The following DMD variants were observed in gnomAD, a reference collection of about 807,000 sequenced individuals.
The protein encoded by DMD is mutant dystrophin.
A neutral mutation model predicts 330.1 loss-of-function variants in DMD; 63 were observed. The observed-to-expected ratio is 0.19, with a 90% CI of 0.16 to 0.24. The LOEUF (loss-of-function observed/expected upper bound fraction) is 0.24. DMD is among the 10% of genes least tolerant of loss of function. The pLI is 1.00. For synonymous variants in DMD, 1,223 were observed against 959.8 expected, an observed-to-expected ratio of 1.27 and a Z score of -5.07; for missense variants, 3,344 against 2,684.1, an observed-to-expected ratio of 1.25 and a Z score of -5.43.
At position 32,486,745 on chromosome X, in the gene DMD, T is replaced by C. The variant is rs755153135; in HGVS notation, c.2623-1646A>G. 6.6e-3 allele frequency among the ~76,000 whole-genome samples: 700 copies of C among 106,215 alleles called. 5 individuals are homozygous for C. The highest frequency in any genetic ancestry group is 0.01 in the Non-Finnish European group (527 of 51,228). 92.2% of individuals were successfully genotyped at this position (106,215 alleles called of 115,157 possible). On this transcript the variant is annotated intron_variant, in intron 20 of 78. Coordinates refer to ENST00000357033, the MANE Select transcript of DMD (RefSeq NM_004006.3). ...TGACAAACCTGACAAAAACAAGCAATGGGGAAAGGATTCCCTATTTAATAA... is the reference window on the plus strand; with the variant it reads ...TGACAAACCTGACAAAAACAAGCAACGGGGAAAGGATTCCCTATTTAATAA...
intron 63 of DMD, among the ~76,000 whole-genome samples, chrX:31,252,006 G>T (rs2049414897): frequency 8.9e-6 from 1 of 111,807 alleles, no homozygotes; most frequent in African/African-American, 3.2e-5. Flanking sequence ...ATGCAATTCA[G>T]AAATATCTAT....
intron 1 of DMD, among the ~76,000 whole-genome samples, chrX:33,130,122 G>C (rs1180057616): frequency 8.9e-6 from 1 of 111,854 alleles, no homozygotes; most frequent in Non-Finnish European, 1.9e-5. Context: ...TTACTGACTT[G>C]AGGAGGAAAA....
intron 60 of DMD, among the ~76,000 whole-genome samples, chrX:31,418,593 C>T (rs1024405505): frequency 3.6e-5 from 4 of 112,060 alleles, no homozygotes; most frequent in East Asian, 5.6e-4. Context: ...TGACTCCATG[C>T]GCACCAATAG....
chrX:32,017,195 T>C (rs1326879181), intron 44 of DMD, among the ~76,000 whole-genome samples: 2 of 111,926 alleles, frequency 1.8e-5, no homozygotes. Flanking sequence ...AAACACTCAT[T>C]GTCAACTAGC....
intron 44 of DMD, among the ~76,000 whole-genome samples, chrX:32,090,726 A>C (rs1469752163): frequency 9.0e-6 from 1 of 111,491 alleles, no homozygotes; most frequent in Non-Finnish European, 1.9e-5. Context: ...ATGTGAATGA[A>C]AGAGTATTCC....
At chrX:32,233,103 G>T (rs1474721307) in intron 43 of DMD, among the ~76,000 whole-genome samples, 1 of 112,052 alleles carries the variant, frequency 8.9e-6, no homozygotes, top group Non-Finnish European at 1.9e-5. Context: ...GAATTCGGAA[G>T]GTGTAAAGCT....
At chrX:32,069,817 A>G (rs756714363) in intron 44 of DMD, among the ~76,000 whole-genome samples, 43 of 111,685 alleles carry the variant, frequency 3.9e-4, no homozygotes, top group Non-Finnish European at 6.8e-4. Context: ...CTGTTCTTCT[A>G]TATTTGACAT....
At chrX:33,217,660 TTC>T (rs1476928070) in intron 1 of DMD, among the ~76,000 whole-genome samples, 2 of 111,859 alleles carry the variant, frequency 1.8e-5, no homozygotes, top group Non-Finnish European at 3.8e-5. Flanking sequence ...AACGAACAGA[TTC>T]TTAAATTATA....
At chrX:32,858,431 G>A (rs764433390) in intron 2 of DMD, among the ~76,000 whole-genome samples, 2 of 112,083 alleles carry the variant, frequency 1.8e-5, no homozygotes, top group Non-Finnish European at 3.8e-5. Context: ...CCAGGTTCAA[G>A]TGATTCTCCT....
At chrX:31,370,872 T>G (rs143041117) in intron 60 of DMD, among the ~76,000 whole-genome samples, 3,204 of 112,136 alleles carry the variant, frequency 0.029, 46 homozygotes, top group Non-Finnish European at 0.045. Flanking sequence ...TCTTGCTGCA[T>G]ATAAAAAGAG....
chrX:32,224,434 T>A (rs1169408550), intron 43 of DMD, among the ~76,000 whole-genome samples: 3 of 111,363 alleles, frequency 2.7e-5, no homozygotes, highest in African/African-American at 9.8e-5. Context: ...GAGACTCCAT[T>A]TTAATTTTTT....
chrX:31,832,052 G>C (rs780042738), intron 49 of DMD, among the ~76,000 whole-genome samples: 5 of 112,537 alleles, frequency 4.4e-5, no homozygotes, highest in Admixed American at 9.4e-5. Context: ...AAATGAGTCA[G>C]TCAAAATAGA....
chrX:31,845,056 G>A (rs59536800), intron 48 of DMD, among the ~76,000 whole-genome samples: 28 of 79,381 alleles, frequency 3.5e-4, no homozygotes, highest in Middle Eastern at 6.2e-3. Context: ...GTATATGTGT[G>A]TATATATATG....
intron 42 of DMD, among the ~76,000 whole-genome samples, chrX:32,298,883 G>A (rs1386784208): frequency 1.8e-5 from 2 of 110,729 alleles, no homozygotes; most frequent in Non-Finnish European, 3.8e-5. Context: ...AGGTGTTTTG[G>A]GGATAACAGA....
intron 2 of DMD, among the ~76,000 whole-genome samples, chrX:32,970,856 G>A (rs1602311630): frequency 1.2e-5 from 1 of 83,003 alleles, no homozygotes; most frequent in Admixed American, 1.1e-4. Context: ...CTAAACAATT[G>A]CTAAAATATT....
At chrX:31,822,653 G>GTTGTGTGTGTGT (rs1556919106) in intron 49 of DMD, among the ~76,000 whole-genome samples, 1 of 65,809 alleles carries the variant, frequency 1.5e-5, no homozygotes, top group African/African-American at 6.4e-5. Flanking sequence ...AAGGCAGAGG[G>GTTGTGTGTGTGT]GTGTGTGTGT....
intron 52 of DMD, among the ~76,000 whole-genome samples, chrX:31,726,797 T>C (rs1356073813): frequency 8.9e-6 from 1 of 112,171 alleles, no homozygotes; most frequent in Non-Finnish European, 1.9e-5. Context: ...ATAAGCGCTA[T>C]GACACATCTC....
intron 2 of DMD, among the ~76,000 whole-genome samples, chrX:32,977,214 C>T (rs190772233): frequency 4.9e-4 from 54 of 110,856 alleles, no homozygotes; most frequent in South Asian, 1.2e-3. Context: ...ACAGGAGAAT[C>T]GCTTGAACCC....
chrX:31,368,227 C>T (rs1569533771), intron 60 of DMD, among the ~76,000 whole-genome samples: 1 of 112,643 alleles, frequency 8.9e-6, no homozygotes, highest in Non-Finnish European at 1.9e-5. Flanking sequence ...CCCCTCCCAA[C>T]TTCTGCACAG....
Sources: allele counts gnomAD v4.1 joint callset (sites outside exome capture counted in the v4.1 genomes callset), GRCh38; gene constraint gnomAD v4.1.1; transcripts MANE v1.5; gene names NCBI Gene and HGNC (gene_info 2026-07-23, HGNC 2026-07-21).